Variants in CELF2 observed in about 807,000 individuals in gnomAD.
CELF2 encodes the protein CUGBP Elav-like family member 2.
In CELF2, 8 loss-of-function variants were observed where a neutral mutation model predicts 62.6. The ratio of observed to expected loss-of-function variants is 0.13; its 90% confidence interval spans 0.07 to 0.23. CELF2 has a LOEUF of 0.23. Ranked by LOEUF, CELF2 falls within the 10% of genes least tolerant of loss-of-function variation. The pLI, the probability that CELF2 is intolerant of heterozygous loss-of-function variation, is 1.00. For synonymous variants in CELF2, 258 were observed against 250.0 expected, an observed-to-expected ratio of 1.03 and a Z score of -0.30; for missense variants, 333 against 671.0, an observed-to-expected ratio of 0.50 and a Z score of 5.56.
At chr10:11,236,034 A>G (rs979654990) in intron 3 of CELF2, among the ~76,000 whole-genome samples, 1 of 152,150 alleles carries the variant, frequency 6.6e-6, no homozygotes, top group Non-Finnish European at 1.5e-5. Context: ...AACCAATGAA[A>G]TCATACATTT....
chr10:11,123,579 T>G (rs561789291), intron 1 of CELF2, among the ~76,000 whole-genome samples: 8 of 152,222 alleles, frequency 5.3e-5, no homozygotes, highest in Non-Finnish European at 1.2e-4. Flanking sequence ...TGGTGAGGGT[T>G]AAGAGTTGGG....
chr10:10,694,035 A>G, the CELF2 span, among the ~76,000 whole-genome samples: 3 of 148,306 alleles, frequency 2.0e-5, no homozygotes, highest in Admixed American at 2.0e-4. Flanking sequence ...GATTTTAGTT[A>G]TTTCTTGCCT....
At chr10:10,909,452 T>C (rs2063620811) in intron 1 of CELF2, among the ~76,000 whole-genome samples, 1 of 152,206 alleles carries the variant, frequency 6.6e-6, no homozygotes, top group African/African-American at 2.4e-5. Context: ...GGATGGAGTC[T>C]TTCTGTGGCC....
the CELF2 span, among the ~76,000 whole-genome samples, chr10:10,649,222 G>C: frequency 2.0e-5 from 3 of 152,100 alleles, no homozygotes; most frequent in African/African-American, 7.2e-5. Flanking sequence ...TTATCTAAAT[G>C]ATCTCATAAA....
At chr10:11,301,657 G>A (rs1591061937) in intron 9 of CELF2, among the ~76,000 whole-genome samples, 1 of 150,386 alleles carries the variant, frequency 6.6e-6, no homozygotes, top group East Asian at 2.0e-4. Flanking sequence ...GTGGCCCTCG[G>A]CAGCCCTGCT....
chr10:11,229,839 C>CG (rs1342075761), intron 3 of CELF2, among the ~76,000 whole-genome samples: 7 of 152,174 alleles, frequency 4.6e-5, no homozygotes, highest in African/African-American at 7.2e-5. Flanking sequence ...ATCCACCCAC[C>CG]TCAGCCTCTC....
At chr10:11,219,399 T>C (rs2064165982) in intron 3 of CELF2, among the ~76,000 whole-genome samples, 1 of 152,234 alleles carries the variant, frequency 6.6e-6, no homozygotes. Context: ...AAATCCTGCA[T>C]GTAGAATTCA....
intron 1 of CELF2, among the ~76,000 whole-genome samples, chr10:11,047,775 A>G (rs1298421051): frequency 1.3e-5 from 2 of 152,088 alleles, no homozygotes; most frequent in East Asian, 1.9e-4. Context: ...TTTCAGGCTA[A>G]ATTTTTCTGG....
At chr10:11,299,462 C>A (rs1481404776) in intron 9 of CELF2, among the ~76,000 whole-genome samples, 1 of 151,382 alleles carries the variant, frequency 6.6e-6, no homozygotes, top group Non-Finnish European at 1.5e-5. Context: ...TGCCCCCCAA[C>A]CCCCCCCAGG....
intron 3 of CELF2, among the ~76,000 whole-genome samples, chr10:11,235,079 C>G (rs1181214998): frequency 6.6e-6 from 1 of 152,130 alleles, no homozygotes; most frequent in Non-Finnish European, 1.5e-5. Flanking sequence ...AGTCAGCATT[C>G]AAACTCAGAC....
chr10:10,743,384 G>A, the CELF2 span, among the ~76,000 whole-genome samples: 5 of 152,310 alleles, frequency 3.3e-5, no homozygotes, highest in Middle Eastern at 3.4e-3. Flanking sequence ...ACAGTTTTCT[G>A]AAAAGTGTTT....
At chr10:10,923,913 ATC>A (rs985894983) in intron 2 of CELF2, 7 of 152,196 alleles carry the variant, frequency 4.6e-5, no homozygotes, top group African/African-American at 1.4e-4. Flanking sequence ...CAATTTAGCA[ATC>A]TGAGCAGTTG....
At chr10:10,771,853 G>C in the CELF2 span, among the ~76,000 whole-genome samples, 1 of 152,174 alleles carries the variant, frequency 6.6e-6, no homozygotes, top group South Asian at 2.1e-4. Flanking sequence ...ACACCTGCAC[G>C]CTGTCCCAGT....
intron 1 of CELF2, among the ~76,000 whole-genome samples, chr10:10,843,228 G>A (rs768364170): frequency 6.6e-6 from 1 of 151,946 alleles, no homozygotes; most frequent in African/African-American, 2.4e-5. Flanking sequence ...ACAAAAGGTG[G>A]TTATTAATCT....
intron 8 of CELF2, among the ~76,000 whole-genome samples, chr10:11,276,643 C>A (rs1437029308): frequency 6.6e-6 from 1 of 152,224 alleles, no homozygotes; most frequent in Non-Finnish European, 1.5e-5. Flanking sequence ...AGTATGGACT[C>A]ACCAGGATCT....
intron 1 of CELF2, among the ~76,000 whole-genome samples, chr10:11,135,084 C>G (rs1031482596): frequency 2.0e-5 from 3 of 152,178 alleles, no homozygotes; most frequent in African/African-American, 4.8e-5. Flanking sequence ...CTCTGAGAGG[C>G]TGAGCGACAC....
At chr10:10,985,053 T>A (rs963522295) in intron 2 of CELF2, among the ~76,000 whole-genome samples, 7 of 152,170 alleles carry the variant, frequency 4.6e-5, no homozygotes, top group African/African-American at 1.4e-4. Flanking sequence ...CAACTTCCTT[T>A]CCAATTTCCA....
At chr10:11,074,707 T>A (rs1291429317) in intron 1 of CELF2, among the ~76,000 whole-genome samples, 1 of 152,190 alleles carries the variant, frequency 6.6e-6, no homozygotes, top group Admixed American at 6.5e-5. Flanking sequence ...CCAGTGCAGC[T>A]GAGAGCATGG....
Position 11,319,616 on chromosome 10 carries a change from C to T in CELF2, c.1097-1573C>T, listed in dbSNP as rs934390127. On this transcript the variant is annotated intron_variant, in intron 10 of 12. Coordinates refer to ENST00000633077, the MANE Select transcript of CELF2 (RefSeq NM_001326342.2). This position sits in a 1 kb window ranked among gnomAD's most constrained non-coding sequence, Gnocchi z 4.4. ...AACAAAAGCAGACACAGCAGGGCCTCAGCTGGCAACACCTCTGAACTGAGC... is the reference window on the plus strand; with the variant it reads ...AACAAAAGCAGACACAGCAGGGCCTTAGCTGGCAACACCTCTGAACTGAGC... 6.6e-6 allele frequency among the ~76,000 whole-genome samples: 1 copy of T among 152,144 alleles called. No individual in the cohort carries two copies. The highest frequency in any genetic ancestry group is 1.5e-5 in the Non-Finnish European group (1 of 68,024).
Sources: allele counts gnomAD v4.1 joint callset (sites outside exome capture counted in the v4.1 genomes callset), GRCh38; gene constraint gnomAD v4.1.1; non-coding constraint Gnocchi (gnomAD v3.1); transcripts MANE v1.5; gene names NCBI Gene and HGNC (gene_info 2026-07-23, HGNC 2026-07-21).